Variants in GFPT2 observed in about 807,000 individuals in gnomAD.
GFPT2 encodes the protein glutamine--fructose-6-phosphate aminotransferase [isomerizing] 2.
A neutral mutation model predicts 85.6 loss-of-function variants in GFPT2; 62 were observed. The observed-to-expected ratio is 0.72, with a 90% CI of 0.59 to 0.90. The LOEUF is 0.90. Among genes scored for constraint, GFPT2 ranks in the 40% least tolerant of loss-of-function variants. The pLI, the probability that GFPT2 is intolerant of heterozygous loss-of-function variation, is 0.00. For synonymous variants in GFPT2, 368 were observed against 344.5 expected (o/e 1.07, Z -0.75); for missense variants, 788 against 893.4 (o/e 0.88, Z 1.50).
chr5:180,334,646 G>T (rs1444006892), intron 4 of GFPT2, among the ~76,000 whole-genome samples: 2 of 152,214 alleles, frequency 1.3e-5, no homozygotes, highest in Admixed American at 6.5e-5. Flanking sequence ...GGGTTGGGGG[G>T]TCCAGTTGAC....
chr5:180,316,752 T>G lies in GFPT2; in HGVS notation c.1152+12A>C. 1 of 1,586,054 alleles carries G rather than the reference T, an allele frequency of 6.3e-7. No individual in the cohort carries two copies. Among genetic ancestry groups the G allele is most frequent in the South Asian group, 1.1e-5 (1 of 90,224 alleles). ...TGCCGTCGACTTCCCCACGCACATG[T>G]GTCACACTTACAGCCACGGCAGCGT... On this transcript the variant is annotated intron_variant, in intron 12 of 18. Transcript: ENST00000253778.
chr5:180,348,138 C>A (rs1347383718), intron 1 of GFPT2, among the ~76,000 whole-genome samples: 1 of 152,190 alleles, frequency 6.6e-6, no homozygotes, highest in African/African-American at 2.4e-5. Flanking sequence ...AAGGGGCTGA[C>A]CTTTATAGTC....
intron 2 of GFPT2, among the ~76,000 whole-genome samples, chr5:180,337,053 A>G (rs2127655629): frequency 6.6e-6 from 1 of 152,372 alleles, no homozygotes; most frequent in Non-Finnish European, 1.5e-5. Flanking sequence ...TGCATAATTA[A>G]ACAAGGTCAA....
At chr5:180,338,933 G>C (rs1460208236) in intron 1 of GFPT2, among the ~76,000 whole-genome samples, 1 of 152,194 alleles carries the variant, frequency 6.6e-6, no homozygotes, top group Non-Finnish European at 1.5e-5. Flanking sequence ...AGGACATCCG[G>C]AAGTCCCCAC....
chr5:180,320,888 G>A lies in GFPT2; in HGVS notation c.795-1932C>T, dbSNP rs77906434. 4.2e-3 allele frequency among the ~76,000 whole-genome samples: 647 copies of A among 152,296 alleles called. 5 individuals carry two copies. Among genetic ancestry groups the A allele is most frequent in the East Asian group, 0.042 (220 of 5,188 alleles). ...ATCAAGGTCTAAGGCTCTAAAAGACGTATATCCAGCCAGATCCTAGGGAAG... is the reference window on the plus strand; with the variant it reads ...ATCAAGGTCTAAGGCTCTAAAAGACATATATCCAGCCAGATCCTAGGGAAG... On this transcript the variant is annotated intron_variant, in intron 9 of 18. Coordinates refer to ENST00000253778, the MANE Select transcript of GFPT2 (RefSeq NM_005110.4).
chr5:180,308,113 G>A (rs79143099), intron 15 of GFPT2, among the ~76,000 whole-genome samples: 22,230 of 151,988 alleles, frequency 0.15, 1,781 homozygotes, highest in East Asian at 0.21. Flanking sequence ...AAAATTAGCC[G>A]GGCATGGTGG....
intron 1 of GFPT2, among the ~76,000 whole-genome samples, chr5:180,340,262 A>G (rs1412226361): frequency 2.0e-5 from 3 of 151,892 alleles, no homozygotes; most frequent in Non-Finnish European, 1.5e-5. Context: ...GCTGGAGTGC[A>G]ATGGCACGAT....
chr5:180,328,238 G>C lies in GFPT2; in HGVS notation c.596+39C>G, dbSNP rs367963146. 1 of 1,493,802 alleles carries C rather than the reference G, an allele frequency of 6.7e-7. No individual in the cohort carries two copies. The highest frequency in any genetic ancestry group is 9.3e-7 in the Non-Finnish European group (1 of 1,070,250). The allele number at this position is 1,493,802 out of a possible 1,614,324, so 92.5% of individuals were successfully genotyped here. ...CCTCCAGCTAAGTGATTTTATTTTC[G>C]TTCTTTCTTATGGGAAATGCCAGTG... On this transcript the variant is annotated intron_variant, in intron 7 of 18. Transcript: ENST00000253778. The surrounding 1 kb of genome is among the most constrained non-coding windows in gnomAD (Gnocchi z 5.4).
chr5:180,338,917 C>T (rs1022285994), intron 1 of GFPT2, among the ~76,000 whole-genome samples: 25 of 152,204 alleles, frequency 1.6e-4, no homozygotes, highest in African/African-American at 5.1e-4. Flanking sequence ...GAAATCCAAC[C>T]GCCTTAGGAC....
chr5:180,306,261 A>G (rs1311078147), intron 16 of GFPT2, among the ~76,000 whole-genome samples: 1 of 152,188 alleles, frequency 6.6e-6, no homozygotes, highest in Non-Finnish European at 1.5e-5. Context: ...CTGGGATTAC[A>G]GGCGTGGACC....
intron 13 of GFPT2, among the ~76,000 whole-genome samples, chr5:180,314,688 C>A (rs1400652414): frequency 6.6e-6 from 1 of 152,194 alleles, no homozygotes; most frequent in Non-Finnish European, 1.5e-5. Flanking sequence ...CTAGGTGGCC[C>A]AATTCTCCTC....
chr5:180,348,899 A>G (rs960878567), intron 1 of GFPT2, among the ~76,000 whole-genome samples: 1 of 151,056 alleles, frequency 6.6e-6, no homozygotes, highest in African/African-American at 2.4e-5. Context: ...GTGCCACCAC[A>G]CCTGGCTAAT....
chr5:180,320,193 C>T (rs918720528), intron 9 of GFPT2, among the ~76,000 whole-genome samples: 22 of 151,856 alleles, frequency 1.4e-4, no homozygotes, highest in African/African-American at 2.4e-4. Flanking sequence ...GGGGTTTCAC[C>T]GTGTTAGCCA....
intron 14 of GFPT2, 101 bp from the exon 15 acceptor site, chr5:180,312,645 G>T: frequency 1.5e-6 from 1 of 674,662 alleles, no homozygotes. Flanking sequence ...CCTGAGTGCA[G>T]TGGCGAGATC....
intron 4 of GFPT2, among the ~76,000 whole-genome samples, chr5:180,333,231 TTTTC>T (rs756184533): frequency 8.7e-5 from 13 of 149,822 alleles, no homozygotes; most frequent in East Asian, 4.0e-4. Flanking sequence ...TATTGTTTCT[TTTTC>T]TTTCTTTTTT....
In GFPT2 at chr5:180,305,958, GTCTTTCTTTTTTTTTTCTT is replaced by G. The variant is rs1439883703; in HGVS notation, c.1675-1038_1675-1020del. 2.0e-5 allele frequency among the ~76,000 whole-genome samples: 3 copies of G among 149,746 alleles called. No homozygotes were observed. In the East Asian group the frequency reaches 6.0e-4, roughly 30 times the overall value. On this transcript the variant is annotated intron_variant, in intron 16 of 18. Transcript: ENST00000253778. ...CCGGTAACCACTTGTAACTGGCATT[GTCTTTCTTTTTTTTTTCTT>G]TCTTTCTTTTTTTTTTTTTTCGTTG...
rs1581383114 is a variant in GFPT2, at chr5:180,331,715, C to G, written c.341-162G>C. ...TGATTAGCACAGATGTTTACGGCAG[C>G]AACTACAGTGGAACCAGGGATTAGC... On this transcript the variant is annotated intron_variant, in intron 4 of 18. Transcript: ENST00000253778. 1.2e-5 allele frequency: 8 copies of G among 651,096 alleles called. No individual in the cohort carries two copies. In the Admixed American group the frequency reaches 2.0e-4, roughly 16 times the overall value. The allele number at this position is 651,096 out of a possible 1,614,324, so 40.3% of individuals were successfully genotyped here.
chr5:180,304,126 G>A lies in GFPT2; in HGVS notation c.1842+646C>T, dbSNP rs139930456. ...GAGCTCCCGGGCGACACACAGTGAC[G>A]TGCTGGGAGGGTGACACATCCTGAG... is the stretch of plus-strand genomic sequence containing the variant. On this transcript the variant is annotated intron_variant, in intron 17 of 18. Coordinates refer to ENST00000253778, the MANE Select transcript of GFPT2 (RefSeq NM_005110.4). 1.8e-3 allele frequency among the ~76,000 whole-genome samples: 276 copies of A among 152,322 alleles called. 1 individual carries two copies. The highest frequency in any genetic ancestry group is 6.1e-3 in the African/African-American group (252 of 41,576).
chr5:180,310,047 T>C (rs538441227), intron 15 of GFPT2, among the ~76,000 whole-genome samples: 75 of 150,888 alleles, frequency 5.0e-4, no homozygotes, highest in Non-Finnish European at 4.4e-4. Flanking sequence ...CCTGACCTCA[T>C]GATCTGCCTG....
Sources: allele counts gnomAD v4.1 joint callset (sites outside exome capture counted in the v4.1 genomes callset), GRCh38; gene constraint gnomAD v4.1.1; non-coding constraint Gnocchi (gnomAD v3.1); transcripts MANE v1.5; gene names NCBI Gene and HGNC (gene_info 2026-07-23, HGNC 2026-07-21).